Variants in ESR1 observed in about 807,000 individuals in gnomAD.
The protein encoded by ESR1 is estrogen receptor 1, also known as estrogen receptor.
In ESR1, 12 loss-of-function variants were observed where a neutral mutation model predicts 52.7. That is an observed-to-expected ratio of 0.23 (90% confidence interval 0.15 to 0.37). ESR1 has a LOEUF of 0.37. Ranked by LOEUF, ESR1 falls within the 10% of genes least tolerant of loss-of-function variation. ESR1 has a pLI of 1.00. For synonymous variants in ESR1, 305 were observed against 316.8 expected, an observed-to-expected ratio of 0.96 and a Z score of 0.39; for missense variants, 584 against 779.7, an observed-to-expected ratio of 0.75 and a Z score of 2.99.
intron 1 of ESR1, among the ~76,000 whole-genome samples, chr6:151,836,358 C>G (rs1031864502): frequency 1.2e-4 from 18 of 152,242 alleles, no homozygotes; most frequent in African/African-American, 4.3e-4. Flanking sequence ...AAAGGAGGAA[C>G]AAAGTCACGT....
chr6:152,050,584 T>C (rs994913624), intron 5 of ESR1, among the ~76,000 whole-genome samples: 1 of 152,196 alleles, frequency 6.6e-6, no homozygotes, highest in Admixed American at 6.5e-5. Flanking sequence ...CCTTGACCCA[T>C]AGCTTACAAC....
At chr6:151,706,449 G>T (rs372533769) in intron 2 of ESR1, among the ~76,000 whole-genome samples, 1 of 152,126 alleles carries the variant, frequency 6.6e-6, no homozygotes, top group Admixed American at 6.5e-5. Context: ...GGGCATCCTT[G>T]TTTGCCTCAA....
chr6:151,993,549 C>T (rs915143509), intron 4 of ESR1, among the ~76,000 whole-genome samples: 38 of 152,104 alleles, frequency 2.5e-4, no homozygotes, highest in African/African-American at 8.9e-4. Context: ...GTTCCCAGAC[C>T]CTGGGACCAG....
intron 4 of ESR1, among the ~76,000 whole-genome samples, chr6:152,006,556 A>G (rs116472848): frequency 1.3e-5 from 2 of 152,170 alleles, no homozygotes; most frequent in African/African-American, 2.4e-5. Context: ...TATATATTCT[A>G]TAAGCTTTCT....
chr6:152,074,803 T>C (rs2048603941), intron 6 of ESR1, among the ~76,000 whole-genome samples: 1 of 152,244 alleles, frequency 6.6e-6, no homozygotes. Flanking sequence ...TATTGTGGTA[T>C]CTCATTTTGT....
chr6:151,866,261 T>A (rs1789880906), intron 2 of ESR1, among the ~76,000 whole-genome samples: 1 of 152,174 alleles, frequency 6.6e-6, no homozygotes, highest in Non-Finnish European at 1.5e-5. Context: ...CCTGTAAAGG[T>A]TTTATTCATT....
chr6:151,940,882 G>A (rs1034894441), intron 3 of ESR1, among the ~76,000 whole-genome samples: 2 of 152,188 alleles, frequency 1.3e-5, no homozygotes, highest in Non-Finnish European at 2.9e-5. Flanking sequence ...TTTACTAAAT[G>A]AACAAATACT....
intron 1 of ESR1, among the ~76,000 whole-genome samples, chr6:151,821,143 C>A (rs1335969718): frequency 6.6e-6 from 1 of 151,948 alleles, no homozygotes; most frequent in Non-Finnish European, 1.5e-5. Flanking sequence ...TATTCTGACT[C>A]CTGACCACTA....
At chr6:151,884,851 G>T (rs1793587232) in intron 3 of ESR1, among the ~76,000 whole-genome samples, 1 of 152,120 alleles carries the variant, frequency 6.6e-6, no homozygotes, top group Admixed American at 6.5e-5. Context: ...TCTTCAGGAA[G>T]GCCTACACAG....
At position 151,891,077 on chromosome 6, in the gene ESR1, G is replaced by T. The variant is rs145888315; in HGVS notation, c.760+10306G>T. On this transcript the variant is annotated intron_variant, in intron 3 of 7. Transcript: ENST00000206249. Reference sequence around the variant, plus strand: ...GATTTTGCTTTGTGATTACCATAAGGCTTACATAAAAGATCTTATAGTTAT... The same window carrying T: ...GATTTTGCTTTGTGATTACCATAAGTCTTACATAAAAGATCTTATAGTTAT... Among the ~76,000 whole-genome samples, 881 of 152,086 alleles carry T rather than the reference G, an allele frequency of 5.8e-3. 8 individuals are homozygous for T. Among genetic ancestry groups the T allele is most frequent in the African/African-American group, 0.02 (843 of 41,470 alleles).
At chr6:151,690,130 T>G (rs1383435628), upstream of ESR1, among the ~76,000 whole-genome samples, 1 of 152,150 alleles carries the variant, frequency 6.6e-6, no homozygotes, top group East Asian at 1.9e-4. Flanking sequence ...CAAAAAACAC[T>G]CACAGAAGAT....
At position 151,842,648 on chromosome 6, in the gene ESR1, C is replaced by T. The variant is rs9340802; in HGVS notation, c.504C>T (p.Thr168=). The T allele has an allele frequency of 6.2e-7, 1 of 1,613,702 alleles. No individual in the cohort carries two copies. ...RQGGRERLAS[T]NDKGSMAMES... The stretch of plus-strand genomic sequence containing the variant: ...GTGGCAGAGAAAGATTGGCCAGTAC[C>T]AATGACAAGGGAAGTATGGCTATGG... Residue 168 remains threonine (T), a synonymous_variant, in exon 2 of 8, where the codon ACC becomes ACT. Transcript: ENST00000206249.
upstream of ESR1, among the ~76,000 whole-genome samples, chr6:151,803,979 C>T (rs755008086): frequency 6.6e-5 from 10 of 152,032 alleles, no homozygotes; most frequent in African/African-American, 1.4e-4. Flanking sequence ...ACACATTCAA[C>T]GGAGGAGCCA....
intron 3 of ESR1, among the ~76,000 whole-genome samples, chr6:151,882,236 G>A (rs1238601406): frequency 3.9e-5 from 6 of 152,108 alleles, no homozygotes; most frequent in African/African-American, 7.2e-5. Context: ...TCATAGTCCC[G>A]GGGTCATAAA....
rs183003594 is a variant in ESR1, at chr6:151,673,405, C to T, written n.73+16642C>T. Reference sequence around the variant, plus strand: ...TTGTAAGAGTGTACCATTCATATTACATAATCTCTCTATCTTGTTTGGTCA... The same window carrying T: ...TTGTAAGAGTGTACCATTCATATTATATAATCTCTCTATCTTGTTTGGTCA... On this transcript the variant is annotated intron_variant and non_coding_transcript_variant, in intron 1 of 2. Coordinates refer to the ESR1 transcript ENST00000473497. Among the ~76,000 whole-genome samples, 42 of 152,252 alleles carry T rather than the reference C, an allele frequency of 2.8e-4. No homozygotes were observed. In the East Asian group the frequency reaches 3.1e-3, roughly 11 times the overall value.
At chr6:152,096,155 G>A (rs575658546) in intron 7 of ESR1, among the ~76,000 whole-genome samples, 2 of 152,308 alleles carry the variant, frequency 1.3e-5, no homozygotes, top group East Asian at 3.9e-4. Flanking sequence ...AGGTGCCAAT[G>A]GGTGATGAAG....
At chr6:151,805,700 A>G (rs1478313403), upstream of ESR1, 1 of 152,464 alleles carries the variant, frequency 6.6e-6, no homozygotes, top group East Asian at 1.9e-4. Flanking sequence ...CTCTCTGCCT[A>G]GTTCACACAC....
chr6:151,944,542 T>C (rs1266432690), intron 4 of ESR1, 34 bp downstream of exon 4: 3 of 1,583,688 alleles, frequency 1.9e-6, no homozygotes, highest in Non-Finnish European at 1.7e-6. Flanking sequence ...TAAGAGTCAA[T>C]AGCTTTTCAA....
intron 1 of ESR1, among the ~76,000 whole-genome samples, chr6:151,665,481 G>C (rs1215844310): frequency 1.3e-5 from 2 of 152,158 alleles, no homozygotes; most frequent in Non-Finnish European, 2.9e-5. Context: ...TCCAAAGCTG[G>C]AAGCCACCAG....
Sources: allele counts gnomAD v4.1 joint callset (sites outside exome capture counted in the v4.1 genomes callset), GRCh38; gene constraint gnomAD v4.1.1; transcripts MANE v1.5; gene names NCBI Gene and HGNC (gene_info 2026-07-23, HGNC 2026-07-21).